MREG: variants seen among roughly 807,000 people sequenced by gnomAD.
MREG encodes melanoregulin.
In MREG, 31 loss-of-function variants were observed where a neutral mutation model predicts 28.5. The ratio of observed to expected loss-of-function variants is 1.09; its 90% CI spans 0.82 to 1.47. MREG has a LOEUF of 1.47. Ranked by LOEUF, MREG falls within the 40% of genes most tolerant of loss-of-function variation. The probability of loss-of-function intolerance (pLI) is 0.00; values close to 1 mark genes in which losing one functional copy is unlikely to be tolerated. For missense variants in MREG, 256 were observed against 257.4 expected (o/e 0.99, Z 0.04); for synonymous variants, 106 against 95.2 (o/e 1.11, Z -0.66).
At chr2:215,962,038 C>T (rs1430014780) in intron 2 of MREG, among the ~76,000 whole-genome samples, 1 of 152,218 alleles carries the variant, frequency 6.6e-6, no homozygotes, top group Non-Finnish European at 1.5e-5. Flanking sequence ...CTTTGCAATG[C>T]TCAACTGTTT....
intron 2 of MREG, among the ~76,000 whole-genome samples, chr2:215,995,772 T>C (rs994707987): frequency 1.3e-5 from 2 of 152,216 alleles, no homozygotes; most frequent in Non-Finnish European, 2.9e-5. Context: ...TCAATCACTT[T>C]GGATTTAGAG....
rs1240786679 is a variant in MREG, at chr2:215,994,588, G to GGGAAGAAGAAGGAGAAGAAGA, written c.255+1697_255+1717dup. Among the ~76,000 whole-genome samples, 172 of 150,344 alleles carry GGGAAGAAGAAGGAGAAGAAGA rather than the reference G, an allele frequency of 1.1e-3. 2 individuals carry two copies. The highest frequency in any genetic ancestry group is 3.8e-3 in the African/African-American group (155 of 40,766). On this transcript the variant is annotated intron_variant, in intron 2 of 4. Transcript: ENST00000263268. Reference sequence around the variant, plus strand: ...AAAAAAGAGGGAGAAGAGGGAGAAGGGGAAGAAGAAGGAGAAGAAGAGGAA... The same window carrying GGGAAGAAGAAGGAGAAGAAGA: ...AAAAAAGAGGGAGAAGAGGGAGAAGGGGAAGAAGAAGGAGAAGAAGAGGAAGAAGAAGGAGAAGAAGAGGAA...
At chr2:215,958,960 G>A (rs929687973) in intron 2 of MREG, among the ~76,000 whole-genome samples, 1 of 152,058 alleles carries the variant, frequency 6.6e-6, no homozygotes, top group Non-Finnish European at 1.5e-5. Context: ...CCTATTCTGG[G>A]GAGGAAAGCA....
intron 2 of MREG, among the ~76,000 whole-genome samples, chr2:215,991,581 C>CA (rs796910904): frequency 0.015 from 1,790 of 122,614 alleles, 19 homozygotes; most frequent in African/African-American, 0.044. Context: ...AAAAACCGTT[C>CA]AAAAAAAAAA....
intron 2 of MREG, among the ~76,000 whole-genome samples, chr2:215,949,802 T>C (rs866397646): frequency 6.6e-6 from 1 of 152,228 alleles, no homozygotes; most frequent in Non-Finnish European, 1.5e-5. Flanking sequence ...CATGAAAAAA[T>C]ATATACATAC....
At chr2:215,952,243 T>C (rs145087721) in intron 2 of MREG, among the ~76,000 whole-genome samples, 152 of 152,328 alleles carry the variant, frequency 1.0e-3, no homozygotes, top group Non-Finnish European at 1.9e-3. Flanking sequence ...GGTACAGATA[T>C]ACATCCCCAT....
chr2:215,945,839 T>C (rs1574586666), intron 3 of MREG, 105 bp from the exon 4 acceptor site: 4 of 976,368 alleles, frequency 4.1e-6, no homozygotes, highest in South Asian at 1.9e-5. Context: ...GTGGATTCTG[T>C]ACAAGCATAA....
chr2:216,010,141 AG>A, intron 1 of MREG, among the ~76,000 whole-genome samples: 1 of 152,236 alleles, frequency 6.6e-6, no homozygotes, highest in South Asian at 2.1e-4. Context: ...GAGAAAAGAA[AG>A]GGAGATTTGA....
chr2:215,963,049 G>A (rs1035073548), intron 2 of MREG, among the ~76,000 whole-genome samples: 1 of 152,172 alleles, frequency 6.6e-6, no homozygotes, highest in South Asian at 2.1e-4. Context: ...GATTGCTTGA[G>A]GCTGGGAGGT....
chr2:216,024,382 C>A (rs1422515597), intron 1 of MREG, among the ~76,000 whole-genome samples: 1 of 151,492 alleles, frequency 6.6e-6, no homozygotes, highest in African/African-American at 2.4e-5. Flanking sequence ...ACTAAAAATA[C>A]AAAAATTAGC....
chr2:215,978,542 C>A (rs1201595311), intron 2 of MREG, among the ~76,000 whole-genome samples: 3 of 152,216 alleles, frequency 2.0e-5, no homozygotes, highest in Non-Finnish European at 2.9e-5. Flanking sequence ...ATGAGGCCAG[C>A]ATCATCCTGA....
At chr2:215,995,709 T>C (rs906513010) in intron 2 of MREG, among the ~76,000 whole-genome samples, 1 of 152,238 alleles carries the variant, frequency 6.6e-6, no homozygotes, top group Non-Finnish European at 1.5e-5. Context: ...TCTTTGCTGT[T>C]GTTTTCTTAA....
At chr2:215,988,118 G>A (rs1203142383) in intron 2 of MREG, among the ~76,000 whole-genome samples, 2 of 152,120 alleles carry the variant, frequency 1.3e-5, no homozygotes, top group Non-Finnish European at 2.9e-5. Flanking sequence ...TGGCTGAATA[G>A]GAACAGCTCC....
chr2:215,954,867 C>G (rs892399235), intron 2 of MREG, among the ~76,000 whole-genome samples: 2 of 152,096 alleles, frequency 1.3e-5, no homozygotes, highest in Non-Finnish European at 2.9e-5. Context: ...CAATGCCCAG[C>G]TAATTTTGTA....
downstream of MREG, chr2:215,939,344 T>C (rs1227803453): frequency 6.6e-6 from 1 of 152,210 alleles, no homozygotes; most frequent in Non-Finnish European, 1.5e-5. Flanking sequence ...CCCATAATCT[T>C]GTGACCAGGT....
chr2:215,982,473 T>A (rs1309876819), intron 2 of MREG, among the ~76,000 whole-genome samples: 2 of 152,230 alleles, frequency 1.3e-5, no homozygotes, highest in African/African-American at 4.8e-5. Context: ...CAGAACATCT[T>A]CTGGTATAAT....
intron 2 of MREG, among the ~76,000 whole-genome samples, chr2:215,966,232 GAATTATTAGTAA>G (rs533168736): frequency 3.3e-4 from 50 of 152,220 alleles, no homozygotes; most frequent in African/African-American, 1.1e-3. Flanking sequence ...TGCCTCTTCG[GAATTATTAGTAA>G]AGCTTAATGA....
At chr2:216,014,662 T>A (rs868761708), upstream of MREG, among the ~76,000 whole-genome samples, 1,013 of 145,944 alleles carry the variant, frequency 6.9e-3, 10 homozygotes, top group African/African-American at 0.024. Context: ...AAAAAAAAAA[T>A]AAAATTAAAG....
At chr2:215,947,200 T>C (rs974582698) in intron 2 of MREG, 87 bp from the exon 3 acceptor site, 7 of 764,176 alleles carry the variant, frequency 9.2e-6, no homozygotes, top group Admixed American at 7.7e-5. Flanking sequence ...CCTAAACACC[T>C]GGCTCTTCTC....
Sources: gnomAD v4.1 joint callset for allele counts (sites outside exome capture counted in the v4.1 genomes callset) on GRCh38, gnomAD v4.1.1 for gene constraint, MANE v1.5 for transcripts, NCBI Gene and HGNC (gene_info 2026-07-23, HGNC 2026-07-21) for gene names.